Variants in TENM4 observed in about 807,000 individuals in gnomAD.
TENM4 encodes the protein teneurin transmembrane protein 4.
In TENM4, 82 loss-of-function variants were observed where a neutral mutation model predicts 243.3. The observed-to-expected ratio is 0.34, with a 90% CI of 0.28 to 0.40. The LOEUF (loss-of-function observed/expected upper bound fraction) is 0.40. TENM4 is among the 10% of genes least tolerant of loss of function. The pLI is 1.00. For missense variants in TENM4, 3,138 were observed against 3,673.3 expected (o/e 0.85, Z 3.77); for synonymous variants, 1,412 against 1,456.3 (o/e 0.97, Z 0.69).
rs895509625 is a variant in TENM4, at chr11:78,880,474, A to G, written c.1084+9311T>C. Among the ~76,000 whole-genome samples, 11 of 44,450 alleles carry G rather than the reference A, an allele frequency of 2.5e-4. 2 individuals carry two copies. Among genetic ancestry groups the G allele is most frequent in the Non-Finnish European group, 5.8e-4 (5 of 8,564 alleles). 29.2% of individuals were successfully genotyped at this position (44,450 alleles called of 152,430 possible). A position where few individuals can be genotyped will look rare whatever the true frequency, so the allele number is the denominator to read the frequency against. On this transcript the variant is annotated intron_variant, in intron 9 of 33. Coordinates refer to ENST00000278550, the MANE Select transcript of TENM4 (RefSeq NM_001098816.3). Reference sequence around the variant, plus strand: ...ATAAATACTAAAAAAAAAAAAAAAAAAAAAAAAAAAAAAAAGAAAGAAAAA... The same window carrying G: ...ATAAATACTAAAAAAAAAAAAAAAAGAAAAAAAAAAAAAAAGAAAGAAAAA...
intron 1 of TENM4, among the ~76,000 whole-genome samples, chr11:79,330,874 C>A (rs555103901): frequency 6.6e-6 from 1 of 152,178 alleles, no homozygotes; most frequent in Non-Finnish European, 1.5e-5. Flanking sequence ...CAAGGGCTGG[C>A]CAGTTTCTGC....
chr11:78,968,862 G>A (rs1857487585), intron 6 of TENM4, among the ~76,000 whole-genome samples: 1 of 152,250 alleles, frequency 6.6e-6, no homozygotes, highest in Non-Finnish European at 1.5e-5. Flanking sequence ...ACCAGGCATA[G>A]GGAAAGGGAG....
intron 15 of TENM4, among the ~76,000 whole-genome samples, chr11:78,787,321 C>A (rs534207813): frequency 1.3e-5 from 2 of 152,298 alleles, no homozygotes; most frequent in Admixed American, 6.5e-5. Flanking sequence ...TGGGCAGAAG[C>A]CTGCCCTGTG....
At chr11:79,216,534 T>C (rs1864053890) in intron 2 of TENM4, among the ~76,000 whole-genome samples, 1 of 152,186 alleles carries the variant, frequency 6.6e-6, no homozygotes, top group African/African-American at 2.4e-5. Context: ...TGTGGTAGTG[T>C]TGGGAGGTAG....
At position 78,719,638 on chromosome 11, in the gene TENM4, T is replaced by C. The variant is rs977541236; in HGVS notation, c.3821+732A>G. Among the ~76,000 whole-genome samples the C allele has an allele frequency of 2.2e-4, 33 of 152,208 alleles. 1 individual carries two copies. Among genetic ancestry groups the C allele is most frequent in the Non-Finnish European group, 4.0e-4 (27 of 68,046 alleles). On this transcript the variant is annotated intron_variant, in intron 25 of 33. Transcript: ENST00000278550. ...AAGCTGCAGCTCTATCTGCCCATGG[T>C]TACTTTCCAAGTCACCACAATGTGT... is the stretch of plus-strand genomic sequence containing the variant.
rs753060104 is a variant in TENM4, at chr11:78,672,216, C to A, written c.5610G>T (p.Arg1870=). 6.2e-7 allele frequency: 1 copy of A among 1,613,818 alleles called. No individual in the cohort carries two copies. Among genetic ancestry groups the A allele is most frequent in the Non-Finnish European group, 8.5e-7 (1 of 1,179,846 alleles). The change falls in exon 31 of 34, where the codon CGG becomes CGT. Residue 1870 remains arginine (R), a synonymous_variant. Coordinates refer to ENST00000278550, the MANE Select transcript of TENM4 (RefSeq NM_001098816.3). ...TGCTGCTGGGTGACCAGAGGCTGGG[C>A]CGCCCCGCCTGGTCGTACAGAATCC... The part of the protein sequence containing the change: ...TLRILYDQAG[R]PSLWSPSSRL...
At chr11:79,215,268 G>C (rs539241168) in intron 3 of TENM4, among the ~76,000 whole-genome samples, 1 of 152,246 alleles carries the variant, frequency 6.6e-6, no homozygotes, top group South Asian at 2.1e-4. Context: ...AGCAATATGA[G>C]GAAACGCTTC....
chr11:79,097,769 C>T (rs1284603825), intron 4 of TENM4: 2 of 151,428 alleles, frequency 1.3e-5, no homozygotes, highest in Non-Finnish European at 2.9e-5. Flanking sequence ...TTTGGGGATA[C>T]AGTAGATGAT....
chr11:79,076,340 C>T (rs1467917683), intron 4 of TENM4: 1 of 152,436 alleles, frequency 6.6e-6, no homozygotes, highest in Non-Finnish European at 1.5e-5. Context: ...AGACTGGGTA[C>T]TTTATACAGG....
intron 4 of TENM4, among the ~76,000 whole-genome samples, chr11:79,124,125 T>G (rs890650096): frequency 6.6e-6 from 1 of 152,204 alleles, no homozygotes; most frequent in Non-Finnish European, 1.5e-5. Context: ...GGGTACTTTG[T>G]CCTGCATCTC....
At chr11:78,871,016 C>A (rs1859113050) in intron 9 of TENM4, among the ~76,000 whole-genome samples, 1 of 152,198 alleles carries the variant, frequency 6.6e-6, no homozygotes, top group Non-Finnish European at 1.5e-5. Flanking sequence ...GGCCACCCCC[C>A]ACCAACCTTT....
At chr11:79,266,690 G>C (rs1325352841) in intron 2 of TENM4, among the ~76,000 whole-genome samples, 2 of 152,196 alleles carry the variant, frequency 1.3e-5, no homozygotes, top group African/African-American at 4.8e-5. Flanking sequence ...GGTTTTGATA[G>C]AGACAGAGGC....
At chr11:79,333,848 C>CAGT (rs1189358963) in intron 1 of TENM4, among the ~76,000 whole-genome samples, 27 of 152,290 alleles carry the variant, frequency 1.8e-4, no homozygotes, top group East Asian at 7.7e-4. Flanking sequence ...ATCATCTAGC[C>CAGT]AGTAAGTCAT....
chr11:78,916,883 C>T (rs1856328214), intron 6 of TENM4, among the ~76,000 whole-genome samples: 2 of 152,178 alleles, frequency 1.3e-5, no homozygotes, highest in African/African-American at 4.8e-5. Flanking sequence ...CATGGTCACA[C>T]TGCTGGGAAA....
chr11:78,768,588 T>C (rs1856587750), intron 18 of TENM4, among the ~76,000 whole-genome samples: 1 of 152,234 alleles, frequency 6.6e-6, no homozygotes, highest in East Asian at 1.9e-4. Flanking sequence ...CTGATAACAA[T>C]GTAGACACTT....
chr11:79,414,837 G>A (rs904226679), intron 1 of TENM4, among the ~76,000 whole-genome samples: 1 of 152,192 alleles, frequency 6.6e-6, no homozygotes, highest in South Asian at 2.1e-4. Flanking sequence ...CCTTGGCCGG[G>A]TGCCTCCTGA....
chr11:79,269,124 C>T (rs1388359047), intron 2 of TENM4, among the ~76,000 whole-genome samples: 1 of 152,156 alleles, frequency 6.6e-6, no homozygotes, highest in Non-Finnish European at 1.5e-5. Context: ...TTCAGGATTC[C>T]CACCTACTTT....
chr11:78,704,665 G>A (rs188464127), intron 27 of TENM4, among the ~76,000 whole-genome samples: 1 of 152,162 alleles, frequency 6.6e-6, no homozygotes, highest in Non-Finnish European at 1.5e-5. Context: ...TATAGATAAA[G>A]AGGAGATTAA....
At chr11:79,225,716 C>A (rs572637407) in intron 2 of TENM4, among the ~76,000 whole-genome samples, 4 of 152,276 alleles carry the variant, frequency 2.6e-5, no homozygotes, top group African/African-American at 9.6e-5. Flanking sequence ...TGAGCTCAAG[C>A]AATCCACCTG....
Sources: allele counts gnomAD v4.1 joint callset (sites outside exome capture counted in the v4.1 genomes callset), GRCh38; gene constraint gnomAD v4.1.1; transcripts MANE v1.5; gene names NCBI Gene and HGNC (gene_info 2026-07-23, HGNC 2026-07-21).